ZNF385D: variants seen among roughly 807,000 people sequenced by gnomAD.
ZNF385D encodes the protein zinc finger protein 659.
Under a neutral mutation model 35.8 loss-of-function variants are expected in ZNF385D, and 15 were observed. The ratio of observed to expected loss-of-function variants is 0.42; its 90% CI spans 0.28 to 0.64. The LOEUF (loss-of-function observed/expected upper bound fraction) is 0.64. Ranked by LOEUF, ZNF385D falls within the 30% of genes least tolerant of loss-of-function variation. The pLI is 0.23. For missense variants in ZNF385D, 474 were observed against 494.6 expected, an observed-to-expected ratio of 0.96 and a Z score of 0.39; for synonymous variants, 212 against 186.8, an observed-to-expected ratio of 1.13 and a Z score of -1.10.
At chr3:21,861,479 T>C (rs1052307611) in intron 3 of ZNF385D, among the ~76,000 whole-genome samples, 1 of 152,100 alleles carries the variant, frequency 6.6e-6, no homozygotes, top group African/African-American at 2.4e-5. Flanking sequence ...GGAGTGCAAA[T>C]TTAGATAAAT....
intron 2 of ZNF385D, among the ~76,000 whole-genome samples, chr3:21,572,568 C>G (rs1442385695): frequency 6.6e-6 from 1 of 152,120 alleles, no homozygotes; most frequent in Non-Finnish European, 1.5e-5. Context: ...TCTTCTTCAT[C>G]AAACCTACAT....
intron 3 of ZNF385D, among the ~76,000 whole-genome samples, chr3:21,842,760 TG>T (rs1695759108): frequency 6.6e-6 from 1 of 152,084 alleles, no homozygotes; most frequent in Non-Finnish European, 1.5e-5. Context: ...CTTTCAGCTT[TG>T]GTTAATTCTA....
intron 2 of ZNF385D, among the ~76,000 whole-genome samples, chr3:21,566,467 A>AAAGT (rs1334562887): frequency 1.3e-5 from 2 of 152,082 alleles, no homozygotes; most frequent in African/African-American, 4.8e-5. Flanking sequence ...CTTTACTAAC[A>AAAGT]AAGTACAAAA....
In ZNF385D at chr3:21,762,185, CTTTT is replaced by C. The variant is rs534011812; in HGVS notation, c.326-97161_326-97158del. On this transcript the variant is annotated intron_variant, in intron 3 of 5. Coordinates refer to the ZNF385D transcript ENST00000494108. ...AGTCGCTGTGCTCAGTCTGTCTTCC[CTTTT>C]TTATTTTCTAATATCTTGAGGATAA... 3.3e-3 allele frequency among the ~76,000 whole-genome samples: 502 copies of C among 152,086 alleles called. 5 individuals carry two copies. Among genetic ancestry groups the C allele is most frequent in the African/African-American group, 0.011 (471 of 41,502 alleles).
intron 2 of ZNF385D, among the ~76,000 whole-genome samples, chr3:22,184,753 G>A (rs761911453): frequency 2.6e-5 from 4 of 152,136 alleles, no homozygotes; most frequent in Non-Finnish European, 4.4e-5. Flanking sequence ...CTTAAACTGG[G>A]AGGAGGAGGT....
At chr3:22,303,976 C>T (rs541984173) in intron 2 of ZNF385D, among the ~76,000 whole-genome samples, 56 of 152,236 alleles carry the variant, frequency 3.7e-4, no homozygotes, top group African/African-American at 1.3e-3. Flanking sequence ...CAGGGTTTCA[C>T]CATGTTGGCC....
chr3:22,032,849 C>G (rs1431321684), intron 3 of ZNF385D, among the ~76,000 whole-genome samples: 2 of 152,170 alleles, frequency 1.3e-5, no homozygotes, highest in South Asian at 2.1e-4. Context: ...ACAATTACCC[C>G]TGAGCTAGCG....
intron 4 of ZNF385D, among the ~76,000 whole-genome samples, chr3:21,475,205 G>T (rs4858327): frequency 0.53 from 80,019 of 151,608 alleles, 21,585 homozygotes; most frequent in East Asian, 0.88. Flanking sequence ...AGTAATTGTG[G>T]TTTTTGCCAT....
intron 2 of ZNF385D, among the ~76,000 whole-genome samples, chr3:21,648,343 C>A (rs1007191874): frequency 1.3e-5 from 2 of 152,156 alleles, no homozygotes; most frequent in African/African-American, 4.8e-5. Context: ...TGTGGGTTTC[C>A]TGAGGCCTCC....
chr3:22,229,985 C>A (rs1266063926), intron 2 of ZNF385D, among the ~76,000 whole-genome samples: 1 of 152,166 alleles, frequency 6.6e-6, no homozygotes, highest in Non-Finnish European at 1.5e-5. Flanking sequence ...ACCTTCTCTG[C>A]AGAAAGTAGA....
chr3:21,862,498 T>C (rs1697110988), intron 3 of ZNF385D, among the ~76,000 whole-genome samples: 1 of 152,112 alleles, frequency 6.6e-6, no homozygotes, highest in African/African-American at 2.4e-5. Flanking sequence ...GGCCATGGAT[T>C]TGCCAAAACT....
At chr3:21,895,577 G>C (rs1166995038) in intron 3 of ZNF385D, among the ~76,000 whole-genome samples, 1 of 149,566 alleles carries the variant, frequency 6.7e-6, no homozygotes, top group Non-Finnish European at 1.5e-5. Context: ...CTGACCTCAA[G>C]TGATCTGCCC....
chr3:22,163,876 C>T (rs1055399110), intron 3 of ZNF385D, among the ~76,000 whole-genome samples: 1 of 150,736 alleles, frequency 6.6e-6, no homozygotes, highest in African/African-American at 2.4e-5. Context: ...ATTCCCATAT[C>T]TTTTTCTAAA....
chr3:21,427,476 A>G (rs377514588), intron 5 of ZNF385D, among the ~76,000 whole-genome samples: 1 of 152,282 alleles, frequency 6.6e-6, no homozygotes, highest in South Asian at 2.1e-4. Flanking sequence ...ATGGGTCCAA[A>G]TACTATTTTA....
chr3:21,993,738 T>A (rs1011781415), intron 3 of ZNF385D, among the ~76,000 whole-genome samples: 1 of 152,200 alleles, frequency 6.6e-6, no homozygotes, highest in Non-Finnish European at 1.5e-5. Flanking sequence ...AAAACATTCC[T>A]GCAGATCATT....
At chr3:22,028,122 G>A (rs1576181106) in intron 3 of ZNF385D, among the ~76,000 whole-genome samples, 2 of 152,308 alleles carry the variant, frequency 1.3e-5, no homozygotes, top group East Asian at 3.9e-4. Context: ...CTTGGAAGAA[G>A]CATGCTTGGA....
rs535918400 is a variant in ZNF385D at position 22,359,323 on chromosome 3, T to TA, written c.106+13126dup. On this transcript the variant is annotated intron_variant, in intron 2 of 5. Coordinates refer to the ZNF385D transcript ENST00000494108. ...CTGTCTTGTAGAATCCAGTATCACC[T>TA]AAAAAATGAGCAGGTGTCTCATAAA... is the stretch of plus-strand genomic sequence containing the variant. Among the ~76,000 whole-genome samples, 4 of 151,926 alleles carry TA rather than the reference T, an allele frequency of 2.6e-5. No individual in the cohort carries two copies. In the East Asian group the frequency reaches 5.8e-4, roughly 22 times the overall value.
intron 3 of ZNF385D, among the ~76,000 whole-genome samples, chr3:22,139,276 A>G (rs907669064): frequency 6.6e-6 from 1 of 152,222 alleles, no homozygotes; most frequent in African/African-American, 2.4e-5. Flanking sequence ...TATATACCCA[A>G]AGAATTATAT....
At chr3:22,167,575 C>T (rs903146245) in intron 3 of ZNF385D, among the ~76,000 whole-genome samples, 1 of 152,150 alleles carries the variant, frequency 6.6e-6, no homozygotes, top group Non-Finnish European at 1.5e-5. Context: ...AACATTGTGG[C>T]CCTCTGCCCT....
Sources: allele counts gnomAD v4.1 joint callset (sites outside exome capture counted in the v4.1 genomes callset), GRCh38; gene constraint gnomAD v4.1.1; transcripts MANE v1.5; gene names NCBI Gene and HGNC (gene_info 2026-07-23, HGNC 2026-07-21).